EYS: variants seen among roughly 807,000 people sequenced by gnomAD.
The protein encoded by EYS is protein eyes shut homolog.
EYS carries 250 observed loss-of-function variants against 282.1 expected under a neutral mutation model. The observed-to-expected ratio is 0.89, with a 90% confidence interval of 0.80 to 0.98. EYS has a LOEUF of 0.98. EYS is among the 50% of genes least tolerant of loss of function. The pLI is 0.00. For missense variants in EYS, 4,016 were observed against 3,709.0 expected, an observed-to-expected ratio of 1.08 and a Z score of -2.15; for synonymous variants, 1,355 against 1,282.9, an observed-to-expected ratio of 1.06 and a Z score of -1.20.
At chr6:65,161,548 C>T (rs1163478172) in intron 12 of EYS, among the ~76,000 whole-genome samples, 1 of 150,924 alleles carries the variant, frequency 6.6e-6, no homozygotes, top group Non-Finnish European at 1.5e-5. Context: ...AATAAACATA[C>T]AGTAAGAAAA....
chr6:64,708,117 T>G (rs1385628901), intron 22 of EYS, among the ~76,000 whole-genome samples: 1 of 152,190 alleles, frequency 6.6e-6, no homozygotes, highest in African/African-American at 2.4e-5. Flanking sequence ...TAAACAAGTG[T>G]AAGTATAAGA....
intron 39 of EYS, 151 bp from the exon 40 acceptor site, chr6:63,778,331 A>G: frequency 1.2e-6 from 1 of 811,118 alleles, no homozygotes; most frequent in South Asian, 1.8e-5. Context: ...AGAAATGCGC[A>G]GAGAAATTTT....
intron 13 of EYS, among the ~76,000 whole-genome samples, chr6:65,035,603 A>G (rs1053975324): frequency 6.6e-6 from 1 of 152,064 alleles, no homozygotes; most frequent in Non-Finnish European, 1.5e-5. Context: ...CACAAAAAAA[A>G]CTAGAAATAC....
intron 36 of EYS, among the ~76,000 whole-genome samples, chr6:63,840,211 C>CTTCTTATTA (rs1554181017): frequency 2.8e-5 from 4 of 140,448 alleles, no homozygotes; most frequent in East Asian, 4.1e-4. Flanking sequence ...CCATGCCCAT[C>CTTCTTATTA]TTATTATTAT....
chr6:64,454,331 C>T (rs770646677), intron 26 of EYS, among the ~76,000 whole-genome samples: 1 of 151,986 alleles, frequency 6.6e-6, no homozygotes, highest in Non-Finnish European at 1.5e-5. Context: ...GCATATTGTT[C>T]TTCTTCTTCA....
chr6:65,571,346 T>G (rs1275025129), intron 2 of EYS, among the ~76,000 whole-genome samples: 2 of 152,042 alleles, frequency 1.3e-5, no homozygotes, highest in African/African-American at 4.8e-5. Flanking sequence ...AGAATAAAAG[T>G]TGATAGGCAG....
chr6:64,204,928 A>G (rs1206906226), intron 31 of EYS, among the ~76,000 whole-genome samples: 1 of 152,168 alleles, frequency 6.6e-6, no homozygotes, highest in Non-Finnish European at 1.5e-5. Flanking sequence ...TGAAACTTGC[A>G]GCTTTGAAAT....
In EYS at chr6:65,003,761, T is replaced by A. The variant is rs533911252; in HGVS notation, c.2138-6058A>T. Among the ~76,000 whole-genome samples the A allele has an allele frequency of 1.0e-4, 15 of 147,584 alleles. 2 individuals are homozygous for A. Among genetic ancestry groups the A allele is most frequent in the African/African-American group, 2.9e-4 (12 of 41,242 alleles). On this transcript the variant is annotated intron_variant, in intron 13 of 42. Transcript: ENST00000503581. ...GAACCTACGTGAATATCAGGGCAGG[T>A]TACCTGATACTGAGGGATCATGTAG... is the stretch of plus-strand genomic sequence containing the variant.
At chr6:64,187,390 T>C (rs1420621318) in intron 31 of EYS, among the ~76,000 whole-genome samples, 1 of 152,158 alleles carries the variant, frequency 6.6e-6, no homozygotes, top group Non-Finnish European at 1.5e-5. Flanking sequence ...CAAAATTAAA[T>C]TGTATCTATT....
chr6:63,902,012 C>T (rs997644155), intron 35 of EYS, among the ~76,000 whole-genome samples: 4 of 152,052 alleles, frequency 2.6e-5, no homozygotes, highest in East Asian at 1.9e-4. Context: ...TCTGCCCCAC[C>T]CTTCTAAGCA....
chr6:64,967,942 C>T (rs964768578), intron 14 of EYS, among the ~76,000 whole-genome samples: 13 of 152,140 alleles, frequency 8.5e-5, no homozygotes, highest in African/African-American at 3.1e-4. Flanking sequence ...GTGAAAAGTA[C>T]TGTGCCCAGT....
intron 35 of EYS, among the ~76,000 whole-genome samples, chr6:63,950,259 A>G (rs1765537715): frequency 6.6e-6 from 1 of 152,040 alleles, no homozygotes; most frequent in Non-Finnish European, 1.5e-5. Flanking sequence ...CTGCACACAG[A>G]TGTCCAGATG....
At chr6:64,967,307 G>A (rs1770130065) in intron 14 of EYS, among the ~76,000 whole-genome samples, 1 of 151,376 alleles carries the variant, frequency 6.6e-6, no homozygotes, top group African/African-American at 2.4e-5. Context: ...GCTGTTCACT[G>A]TAGTCTGAGA....
At chr6:65,695,879 A>T (rs1445529978) in intron 1 of EYS, among the ~76,000 whole-genome samples, 4 of 151,986 alleles carry the variant, frequency 2.6e-5, no homozygotes, top group African/African-American at 9.7e-5. Flanking sequence ...ACATACAGAA[A>T]CATACATGGT....
chr6:65,464,129 T>G (rs983769718), intron 5 of EYS, among the ~76,000 whole-genome samples: 2 of 152,182 alleles, frequency 1.3e-5, no homozygotes, highest in Non-Finnish European at 2.9e-5. Context: ...TCTAATCTTA[T>G]GCAATTACGC....
chr6:64,469,149 C>T (rs896578645), intron 26 of EYS, among the ~76,000 whole-genome samples: 3 of 152,098 alleles, frequency 2.0e-5, no homozygotes, highest in African/African-American at 4.8e-5. Context: ...TGCAACCTCG[C>T]GAGCATCTGT....
intron 28 of EYS, among the ~76,000 whole-genome samples, chr6:64,414,679 C>G (rs1019041557): frequency 6.6e-6 from 1 of 152,076 alleles, no homozygotes. Context: ...AAAAGGAAAG[C>G]TCACTGTAGT....
chr6:64,029,437 C>T (rs1184755612), intron 33 of EYS, among the ~76,000 whole-genome samples: 2 of 152,162 alleles, frequency 1.3e-5, no homozygotes, highest in African/African-American at 4.8e-5. Context: ...ATACTAGGTG[C>T]CAAAGGAAGT....
chr6:65,274,944 A>C (rs575725277), intron 12 of EYS, among the ~76,000 whole-genome samples: 5 of 151,068 alleles, frequency 3.3e-5, no homozygotes, highest in Admixed American at 6.6e-5. Context: ...GACAATACCT[A>C]GTGGCCTCTT....
Sources: gnomAD v4.1 joint callset for allele counts (sites outside exome capture counted in the v4.1 genomes callset) on GRCh38, gnomAD v4.1.1 for gene constraint, MANE v1.5 for transcripts, NCBI Gene and HGNC (gene_info 2026-07-23, HGNC 2026-07-21) for gene names.